Variants in CD8A observed in about 807,000 individuals in gnomAD.
The protein encoded by CD8A is CD8 subunit alpha, also known as T-cell surface glycoprotein CD8 alpha chain.
Under a neutral mutation model 24.2 loss-of-function variants are expected in CD8A, and 25 were observed. That is an observed-to-expected ratio of 1.03 (90% CI 0.75 to 1.44). CD8A has a LOEUF of 1.44. CD8A is among the 40% of genes most tolerant of loss of function. The pLI, the probability that CD8A is intolerant of heterozygous loss-of-function variation, is 0.00. For synonymous variants in CD8A, 165 were observed against 149.9 expected (o/e 1.10, Z -0.74); for missense variants, 360 against 319.7 (o/e 1.13, Z -0.96).
chr2:86,791,033 G>A (rs752128882), upstream of CD8A: 12 of 715,696 alleles, frequency 1.7e-5, no homozygotes, highest in East Asian at 2.7e-5. Context: ...CCGGCGAGGA[G>A]GCTGGGGCCC....
At chr2:86,797,394 G>A (rs796373678) in intron 3 of CD8A, among the ~76,000 whole-genome samples, 1 of 152,344 alleles carries the variant, frequency 6.6e-6, no homozygotes, top group Middle Eastern at 3.4e-3. Flanking sequence ...TGGGGCTTGA[G>A]AAGGTGGAAG....
At chr2:86,799,905 C>T (rs1041257182) in intron 3 of CD8A, among the ~76,000 whole-genome samples, 4 of 151,688 alleles carry the variant, frequency 2.6e-5, no homozygotes, top group East Asian at 3.9e-4. Context: ...TGCATATTAA[C>T]GTGTTCATTA....
chr2:86,807,963 G>A (rs1023512569), intron 1 of CD8A, among the ~76,000 whole-genome samples: 4 of 152,144 alleles, frequency 2.6e-5, no homozygotes, highest in South Asian at 4.1e-4. Flanking sequence ...TGCTGTAGAG[G>A]AGGTGGGGCC....
upstream of CD8A, among the ~76,000 whole-genome samples, chr2:86,791,928 G>C (rs778663619): frequency 3.4e-4 from 52 of 152,342 alleles, no homozygotes; most frequent in Non-Finnish European, 6.0e-4. Context: ...CCCCAGCTCT[G>C]GGTGCTCTGC....
At chr2:86,789,989 T>C (rs897224550) in intron 2 of CD8A, among the ~76,000 whole-genome samples, 2 of 152,162 alleles carry the variant, frequency 1.3e-5, no homozygotes, top group African/African-American at 4.8e-5. Context: ...CCCCTGCACC[T>C]GGCCTCTCTC....
intron 3 of CD8A, among the ~76,000 whole-genome samples, chr2:86,797,691 A>C (rs1047034771): frequency 1.5e-5 from 2 of 131,606 alleles, no homozygotes; most frequent in Non-Finnish European, 3.0e-5. Context: ...TCACTTTTTT[A>C]AAAAAAAGTT....
At chr2:86,793,471 C>T (rs112389749), upstream of CD8A, among the ~76,000 whole-genome samples, 1,841 of 152,296 alleles carry the variant, frequency 0.012, 12 homozygotes, top group Middle Eastern at 0.027. Flanking sequence ...AGACACAGTG[C>T]TGTCCCTCAA....
intron 3 of CD8A, among the ~76,000 whole-genome samples, chr2:86,799,239 G>A (rs189188838): frequency 4.7e-4 from 71 of 152,216 alleles, no homozygotes; most frequent in South Asian, 4.2e-3. Context: ...CTTTGTGCTC[G>A]TTCTCCTTTC....
rs1208526235 is a variant in CD8A at position 86,784,633 on chromosome 2, T to C, written c.*1287A>G. 1.0e-5 allele frequency: 4 copies of C among 381,072 alleles called. No individual in the cohort carries two copies. The highest frequency in any genetic ancestry group is 2.1e-5 in the Non-Finnish European group (4 of 192,014). 23.6% of individuals were successfully genotyped at this position (381,072 alleles called of 1,614,324 possible). A position where few individuals can be genotyped will look rare whatever the true frequency, so the allele number is the denominator to read the frequency against. ...GATGCTGTTTACCCATTAAAGAGGA[T>C]GCTACAAATGTTTATTCATTAAAGC... On this transcript the variant is annotated 3_prime_UTR_variant, in exon 6 of 6. Transcript: ENST00000283635.
chr2:86,789,970 G>A (rs776984881), intron 2 of CD8A, among the ~76,000 whole-genome samples: 2 of 151,988 alleles, frequency 1.3e-5, no homozygotes, highest in African/African-American at 2.4e-5. Context: ...CGGAGCGCAG[G>A]AGCCAGCTCC....
chr2:86,790,233 G>C (rs1573460947), intron 2 of CD8A, 95 bp downstream of exon 2: 5 of 911,104 alleles, frequency 5.5e-6, no homozygotes, highest in South Asian at 4.0e-5. Context: ...TTCCAGGTGC[G>C]CTAAGAGGCT....
intron 4 of CD8A, 48 bp from the exon 5 acceptor site, chr2:86,788,608 T>C (rs745412102): frequency 3.9e-6 from 6 of 1,537,910 alleles, no homozygotes; most frequent in Non-Finnish European, 5.4e-6. Flanking sequence ...TATCCATCAA[T>C]AGTCCCCAAA....
chr2:86,797,097 G>A (rs905738404), intron 3 of CD8A, among the ~76,000 whole-genome samples: 5 of 152,122 alleles, frequency 3.3e-5, no homozygotes, highest in African/African-American at 4.8e-5. Context: ...TGGATCCCCC[G>A]GTGTTTCGGT....
intron 2 of CD8A, chr2:86,801,678 A>G (rs1327430869): frequency 6.6e-6 from 1 of 152,172 alleles, no homozygotes. Context: ...AAAAAAGGAA[A>G]AAGTTAAAAG....
intron 4 of CD8A, 88 bp downstream of exon 4, chr2:86,789,235 T>TC (rs1673156266): frequency 1.1e-6 from 1 of 870,154 alleles, no homozygotes; most frequent in Non-Finnish European, 2.0e-6. Context: ...AACCCCAAGC[T>TC]CCCCCCTCGC....
chr2:86,803,671 C>T (rs1353255201), intron 2 of CD8A, among the ~76,000 whole-genome samples: 1 of 152,222 alleles, frequency 6.6e-6, no homozygotes, highest in African/African-American at 2.4e-5. Context: ...CCTGCCTCAG[C>T]CTCCTGAGTA....
Position 86,788,530 on chromosome 2 carries a change from C to G in CD8A, c.656G>C (p.Arg219Pro), listed in dbSNP as rs138963205. ...RNRRRVCKCP[R>P]PVVKSGDKPS... The stretch of plus-strand genomic sequence containing the variant: ...CAGGCTGAGTTCAAAAGAGACTCAC[C>G]GGGGACATTTGCAAACACGTCTTCG... Residue 219 changes from arginine to proline, a missense_variant and splice_region_variant, in exon 5 of 6, where the codon CGG becomes CCG. By Grantham distance (103) the Arg-to-Pro change is moderately radical. Transcript: ENST00000283635. The G allele has an allele frequency of 6.2e-7, 1 of 1,612,480 alleles. No individual in the cohort carries two copies. Among genetic ancestry groups the G allele is most frequent in the African/African-American group, 1.3e-5 (1 of 74,716 alleles).
At chr2:86,807,260 G>A (rs1673939988) in intron 2 of CD8A, among the ~76,000 whole-genome samples, 1 of 152,190 alleles carries the variant, frequency 6.6e-6, no homozygotes, top group African/African-American at 2.4e-5. Flanking sequence ...AGTCGAGGCT[G>A]TAGTGAGCCG....
intron 2 of CD8A, among the ~76,000 whole-genome samples, chr2:86,803,244 A>C (rs766564952): frequency 6.6e-6 from 1 of 152,192 alleles, no homozygotes; most frequent in Non-Finnish European, 1.5e-5. Flanking sequence ...CAAAATGTGG[A>C]CTCAGGCATC....
Sources: gnomAD v4.1 joint callset for allele counts (sites outside exome capture counted in the v4.1 genomes callset) on GRCh38, gnomAD v4.1.1 for gene constraint, MANE v1.5 for transcripts, NCBI Gene and HGNC (gene_info 2026-07-23, HGNC 2026-07-21) for gene names.